The following FLVCR2 variants were observed in gnomAD, a reference collection of about 807,000 sequenced individuals.
FLVCR2 encodes choline/ethanolamine transporter FLVCR2.
FLVCR2 carries 38 observed loss-of-function variants against 48.9 expected under a neutral mutation model. The observed-to-expected ratio is 0.78, with a 90% CI of 0.60 to 1.02. The LOEUF is 1.02. FLVCR2 is among the 50% of genes least tolerant of loss of function. The pLI is 0.00. For synonymous variants in FLVCR2, 255 were observed against 257.0 expected (o/e 0.99, Z 0.07); for missense variants, 664 against 663.3 (o/e 1.00, Z -0.01).
intron 1 of FLVCR2, chr14:75,605,334 C>A: frequency 1.3e-6 from 1 of 756,362 alleles, no homozygotes; most frequent in Non-Finnish European, 2.0e-6. Context: ...TTCTACCTAG[C>A]ACCATTCCCA....
At chr14:75,605,007 C>T (rs533965277) in intron 1 of FLVCR2, among the ~76,000 whole-genome samples, 6 of 152,268 alleles carry the variant, frequency 3.9e-5, no homozygotes, top group African/African-American at 1.4e-4. Context: ...TTTAGTCTCA[C>T]AAACCTGAGA....
rs1420073134 is a variant in FLVCR2 at position 75,641,833 on chromosome 14, T to G, written c.1454-10T>G. On this transcript the variant is annotated splice_polypyrimidine_tract_variant and intron_variant, in intron 8 of 9. Transcript: ENST00000238667. ...TTTGTCTCTCTTCCTTCTCAATCTA[T>G]CAACCTTAGCATTCATTAAGGCAGA... is the stretch of plus-strand genomic sequence containing the variant. 6.2e-7 allele frequency: 1 copy of G among 1,613,020 alleles called. No individual in the cohort carries two copies. The highest frequency in any genetic ancestry group is 8.5e-7 in the Non-Finnish European group (1 of 1,178,992).
chr14:75,632,467 A>G, intron 3 of FLVCR2: 1 of 592,480 alleles, frequency 1.7e-6, no homozygotes, highest in South Asian at 2.1e-5. Flanking sequence ...GGCCCCTGGA[A>G]GCTACCCCTA....
chr14:75,600,157 C>T (rs1889127078), intron 1 of FLVCR2, among the ~76,000 whole-genome samples: 1 of 152,212 alleles, frequency 6.6e-6, no homozygotes, highest in Admixed American at 6.5e-5. Flanking sequence ...CTCTGGTCAT[C>T]CTCACTGCTC....
chr14:75,624,664 T>C lies in FLVCR2; in HGVS notation c.864T>C (p.Tyr288=). 3 of 1,614,128 alleles carry C rather than the reference T, an allele frequency of 1.9e-6. No homozygotes were observed. The highest frequency in any genetic ancestry group is 2.2e-5 in the East Asian group (1 of 44,864). The part of the protein sequence containing the change: ...YPPSRAQSLS[Y]ALTSPDASYL... ...CCAGCAGGGCCCAATCCCTGAGCTA[T>C]GCCTTGACCTCTCCTGATGCCTCAT... is the stretch of plus-strand genomic sequence containing the variant. The change falls in exon 3 of 10, where the codon TAT becomes TAC. Residue 288 remains tyrosine, a synonymous_variant. Coordinates refer to ENST00000238667, the MANE Select transcript of FLVCR2 (RefSeq NM_017791.3).
At chr14:75,643,083 A>G (rs939156340) in intron 9 of FLVCR2, among the ~76,000 whole-genome samples, 4 of 152,198 alleles carry the variant, frequency 2.6e-5, no homozygotes, top group African/African-American at 9.7e-5. Flanking sequence ...TCTGGTCTCA[A>G]ACTCCTGACC....
At chr14:75,585,910 G>A (rs1018848763) in intron 1 of FLVCR2, among the ~76,000 whole-genome samples, 10 of 152,230 alleles carry the variant, frequency 6.6e-5, no homozygotes, top group Admixed American at 2.0e-4. Context: ...CTGGAGAAGA[G>A]AGTGAAAAGA....
Position 75,633,624 on chromosome 14 carries a change from T to C in FLVCR2, c.953-5T>C, listed in dbSNP as rs372118257. On this transcript the variant is annotated splice_region_variant and splice_polypyrimidine_tract_variant and intron_variant, in intron 3 of 9. Coordinates refer to ENST00000238667, the MANE Select transcript of FLVCR2 (RefSeq NM_017791.3). Reference sequence around the variant, plus strand: ...TAATGTTGTATTTCTCGCTCCCTTCTTCAGGTCTGAATGCTGGTGCTTTTT... The same window carrying C: ...TAATGTTGTATTTCTCGCTCCCTTCCTCAGGTCTGAATGCTGGTGCTTTTT... 1 of 1,613,200 alleles carries C rather than the reference T, an allele frequency of 6.2e-7. No individual in the cohort carries two copies.
intron 5 of FLVCR2, among the ~76,000 whole-genome samples, chr14:75,639,108 G>C (rs1278731605): frequency 6.6e-6 from 1 of 152,212 alleles, no homozygotes; most frequent in Non-Finnish European, 1.5e-5. Flanking sequence ...CTACTCAGCA[G>C]GCTGAGGCAC....
Position 75,647,695 on chromosome 14 carries a change from T to A in FLVCR2, c.*1223T>A, listed in dbSNP as rs555460505. On this transcript the variant is annotated 3_prime_UTR_variant, in exon 10 of 10. Coordinates refer to ENST00000238667, the MANE Select transcript of FLVCR2 (RefSeq NM_017791.3). ...GCTGTTTGGCTGTACTCATGGGCTT[T>A]GGTAATATCTCCTAAAAATGAGGTT... The A allele has an allele frequency of 6.5e-6, 1 of 152,828 alleles. No homozygotes were observed. Among genetic ancestry groups the A allele is most frequent in the African/African-American group, 2.4e-5 (1 of 41,592 alleles). 9.5% of individuals were successfully genotyped at this position (152,828 alleles called of 1,614,324 possible).
At chr14:75,638,806 TCTTA>T (rs1007211647) in intron 5 of FLVCR2, among the ~76,000 whole-genome samples, 9 of 152,352 alleles carry the variant, frequency 5.9e-5, no homozygotes, top group South Asian at 2.1e-4. Context: ...ACTTTACTAG[TCTTA>T]CTTACCCTTT....
intron 1 of FLVCR2, among the ~76,000 whole-genome samples, chr14:75,589,185 C>G (rs928643557): frequency 6.6e-6 from 1 of 152,190 alleles, no homozygotes; most frequent in African/African-American, 2.4e-5. Flanking sequence ...CACTGCACTC[C>G]AGCCTTGGTG....
chr14:75,612,601 A>C (rs186607818), intron 1 of FLVCR2, among the ~76,000 whole-genome samples: 1 of 152,316 alleles, frequency 6.6e-6, no homozygotes, highest in East Asian at 1.9e-4. Flanking sequence ...TTCACAAATA[A>C]CAGTCATATG....
intron 1 of FLVCR2, chr14:75,596,200 C>T (rs964941066): frequency 3.9e-5 from 27 of 699,754 alleles, no homozygotes; most frequent in African/African-American, 5.3e-5. Context: ...GTTACTGTGT[C>T]GTTCATGATG....
At chr14:75,603,038 C>T (rs1427750700) in intron 1 of FLVCR2, among the ~76,000 whole-genome samples, 1 of 152,144 alleles carries the variant, frequency 6.6e-6, no homozygotes, top group Non-Finnish European at 1.5e-5. Flanking sequence ...TCTCCTTCTT[C>T]CTTATCCCTT....
intron 8 of FLVCR2, 70 bp downstream of exon 8, chr14:75,641,363 AAC>A: frequency 1.0e-6 from 1 of 970,294 alleles, no homozygotes; most frequent in Non-Finnish European, 1.7e-6. Flanking sequence ...TCGATGGAGC[AAC>A]AGATAGGGAG....
At chr14:75,596,270 A>G (rs1594794407) in intron 1 of FLVCR2, 2 of 539,988 alleles carry the variant, frequency 3.7e-6, no homozygotes, top group East Asian at 6.9e-5. Flanking sequence ...CTAGCCTCCT[A>G]TTGTGCATTG....
chr14:75,596,201 G>A (rs540718473), intron 1 of FLVCR2: 69 of 695,914 alleles, frequency 9.9e-5, no homozygotes, highest in Middle Eastern at 8.1e-4. Flanking sequence ...TTACTGTGTC[G>A]TTCATGATGG....
chr14:75,628,788 C>T (rs1343061437), intron 3 of FLVCR2, among the ~76,000 whole-genome samples: 1 of 152,174 alleles, frequency 6.6e-6, no homozygotes, highest in African/African-American at 2.4e-5. Flanking sequence ...CTCTCCACCC[C>T]CACTAGAAAA....
Sources: allele counts gnomAD v4.1 joint callset (sites outside exome capture counted in the v4.1 genomes callset), GRCh38; gene constraint gnomAD v4.1.1; transcripts MANE v1.5; gene names NCBI Gene and HGNC (gene_info 2026-07-23, HGNC 2026-07-21).